The following TTN variants were observed in gnomAD, a reference collection of about 807,000 sequenced individuals.
TTN encodes the protein titin.
TTN carries 1,525 observed loss-of-function variants against 3,223.0 expected under a neutral mutation model. That is an observed-to-expected ratio of 0.47 (90% confidence interval 0.45 to 0.49). TTN has a LOEUF of 0.49. TTN is among the 20% of genes least tolerant of loss of function. The probability of loss-of-function intolerance (pLI) is 0.00; values close to 1 mark genes in which losing one functional copy is unlikely to be tolerated. For missense variants in TTN, 40,786 were observed against 43,424.0 expected, an observed-to-expected ratio of 0.94 and a Z score of 5.40; for synonymous variants, 14,094 against 15,161.0, an observed-to-expected ratio of 0.93 and a Z score of 5.17.
Position 178,667,372 on chromosome 2 carries a change from T to C in TTN, c.35714-53A>G, listed in dbSNP as rs908612199. 9.6e-6 allele frequency: 15 copies of C among 1,570,170 alleles called. No homozygotes were observed. In the African/African-American group the frequency reaches 1.6e-4, roughly 17 times the overall value. On this transcript the variant is annotated intron_variant, in intron 161 of 362. Transcript: ENST00000589042. ...TAAAAGTTGTAAAAACAGTAAATTA[T>C]AAAAAGCATGCAATGTTTGAGTCAT...
chr2:178,772,892 G>C, intron 33 of TTN: 2 of 597,382 alleles, frequency 3.3e-6, no homozygotes, highest in Non-Finnish European at 5.8e-6. Flanking sequence ...AGAGATTAAG[G>C]AAGGTTTAAT....
At chr2:178,649,467 GCAA>G in intron 212 of TTN, 84 bp downstream of exon 212, 1 of 1,412,558 alleles carries the variant, frequency 7.1e-7, no homozygotes, top group Non-Finnish European at 9.5e-7. Context: ...CCTTAGTTAT[GCAA>G]CAACAATGAG....
In TTN at chr2:178,689,653, A is replaced by T. The variant is rs556982485; in HGVS notation, c.31847-58T>A. 5.3e-6 allele frequency: 8 copies of T among 1,506,832 alleles called. No homozygotes were observed. The South Asian group carries it at 8.0e-5, about 15-fold the overall frequency. The allele number at this position is 1,506,832 out of a possible 1,614,324, so 93.3% of individuals were successfully genotyped here. ...TTTTCTAAAGTAGCTATGCACAGTT[A>T]TTTTTTTTAAGAAAGCAGACGGGTG... On this transcript the variant is annotated intron_variant, in intron 122 of 362. Transcript: ENST00000589042.
At chr2:178,604,572 C>T in intron 281 of TTN, 136 bp downstream of exon 281, 2 of 1,010,922 alleles carry the variant, frequency 2.0e-6, no homozygotes, top group South Asian at 3.7e-5. Flanking sequence ...TGGGGCTAAA[C>T]ACTACAATAA....
chr2:178,584,990 A>G, intron 309 of TTN, 22 bp from the exon 310 acceptor site: 8 of 1,609,010 alleles, frequency 5.0e-6, no homozygotes, highest in Non-Finnish European at 6.8e-6. Context: ...AAGAGGAAAG[A>G]AATGTAAGAA....
Position 178,748,530 on chromosome 2 carries a change from G to A in TTN, c.11311+4594C>T, listed in dbSNP as rs755860284. 3.0e-5 allele frequency: 48 copies of A among 1,612,976 alleles called. No individual in the cohort carries two copies. The highest frequency in any genetic ancestry group is 1.7e-4 in the Middle Eastern group (1 of 6,054). ...AACTCCAGAGCTGGATCTCCTATAT[G>A]AGAATACATTTGTTTTAGATCAAAT... On this transcript the variant is annotated intron_variant, in intron 47 of 362. Transcript: ENST00000589042.
At chr2:178,749,014 T>C (rs745968428) in intron 47 of TTN, 2 of 1,612,488 alleles carry the variant, frequency 1.2e-6, no homozygotes, top group African/African-American at 1.3e-5. Context: ...ATTTTTCAAA[T>C]TCGATAATTC....
Position 178,689,350 on chromosome 2 carries a change from C to G in TTN, c.31951G>C (p.Val10651Leu), listed in dbSNP as rs913899516. Reference protein sequence around the residue: ...PAVPEIPKKKVPEERKPVPRK... With the variant: ...PAVPEIPKKKLPEERKPVPRK... Reference sequence around the variant, plus strand: ...GGAACAGGTTTCCTTTCTTCAGGAACTTTCTTCTTTGGTATTTCTGGCACT... The same window carrying G: ...GGAACAGGTTTCCTTTCTTCAGGAAGTTTCTTCTTTGGTATTTCTGGCACT... The change falls in exon 124 of 363, where the codon GTT becomes CTT. Residue 10651 changes from valine (V) to leucine (L), a missense_variant. By Grantham distance (32) the Val-to-Leu change is conservative. Coordinates refer to ENST00000589042, the MANE Select transcript of TTN (RefSeq NM_001267550.2). The G allele has an allele frequency of 1.2e-6, 2 of 1,613,832 alleles. No individual in the cohort carries two copies. Among genetic ancestry groups the G allele is most frequent in the Non-Finnish European group, 1.7e-6 (2 of 1,179,846 alleles).
rs1691134581 is a variant in TTN at position 178,535,708 on chromosome 2, A to G, written c.100907T>C (p.Ile33636Thr). ...VITWQKGQDL[I>T]DNNGHYQVIV... is the part of the protein sequence containing the mutation. ...AACTTGGTAGTGGCCATTATTGTCA[A>G]TGAGATCTTGTCCTTTCTGCCAGGT... Residue 33636 changes from isoleucine (I) to threonine (T), a missense_variant, in exon 358 of 363, where the codon ATT becomes ACT. Transcript: ENST00000589042. 4 of 1,613,830 alleles carry G rather than the reference A, an allele frequency of 2.5e-6. No individual in the cohort carries two copies. Among genetic ancestry groups the G allele is most frequent in the African/African-American group, 2.7e-5 (2 of 75,020 alleles).
intron 315 of TTN, 43 bp downstream of exon 315, chr2:178,581,863 C>G (rs1171191167): frequency 1.2e-6 from 2 of 1,604,448 alleles, no homozygotes; most frequent in Admixed American, 3.5e-5. Context: ...GTGTTTAATG[C>G]TGCTTTTAAC....
At chr2:178,766,136 A>G (rs566150063) in intron 41 of TTN, among the ~76,000 whole-genome samples, 77 of 152,294 alleles carry the variant, frequency 5.1e-4, no homozygotes, top group African/African-American at 1.8e-3. Flanking sequence ...TGGGTGTTCA[A>G]TAGTTTTGAG....
At chr2:178,751,939 T>C in intron 47 of TTN, 2 of 1,588,800 alleles carry the variant, frequency 1.3e-6, no homozygotes, top group Non-Finnish European at 1.7e-6. Context: ...TACTTGCATA[T>C]CTTTTAGCAG....
In TTN at chr2:178,619,759, C is replaced by A. The variant is rs2057990397; in HGVS notation, c.46558G>T (p.Val15520Phe). The change falls in exon 250 of 363, where the codon GTC becomes TTC. Residue 15520 changes from valine (V) to phenylalanine (F), a missense_variant. Val to Phe is a conservative substitution (Grantham distance 50, BLOSUM62 -1). Coordinates refer to ENST00000589042, the MANE Select transcript of TTN (RefSeq NM_001267550.2). ...VQWLRNNMVVVQGDKHQMMSE... is the reference protein window; with the variant it reads ...VQWLRNNMVVFQGDKHQMMSE... ...ATCATCTGGTGTTTATCACCCTGGA[C>A]AACAACCATGTTATTTCTTAGCCAT... 6.2e-7 allele frequency: 1 copy of A among 1,612,416 alleles called. No individual in the cohort carries two copies. Among genetic ancestry groups the A allele is most frequent in the South Asian group, 1.1e-5 (1 of 91,020 alleles).
chr2:178,723,556 G>C lies in TTN; in HGVS notation c.21544C>G (p.Arg7182Gly). ...RGARELVKGD[R>G]CNIYFEDTVA... is the part of the protein sequence containing the mutation. ...GTGTCTTCAAAATAGATGTTGCACC[G>C]GTCTCCTTTCACTAGTTCTCTGGCA... Residue 7182 changes from arginine (R) to glycine (G), a missense_variant, in exon 74 of 363, where the codon CGG becomes GGG. Transcript: ENST00000589042. 1 of 1,613,304 alleles carries C rather than the reference G, an allele frequency of 6.2e-7. No individual in the cohort carries two copies. Among genetic ancestry groups the C allele is most frequent in the Non-Finnish European group, 8.5e-7 (1 of 1,179,556 alleles).
Position 178,724,553 on chromosome 2 carries a change from G to T in TTN, c.20837-15C>A. The T allele has an allele frequency of 1.3e-6, 2 of 1,561,826 alleles. No homozygotes were observed. The highest frequency in any genetic ancestry group is 1.2e-5 in the South Asian group (1 of 82,192). ...GACTGCGGGCTCTGAAATAAAACGT[G>T]ATATCCATCTGTCAAAGTCTGGGAT... On this transcript the variant is annotated splice_polypyrimidine_tract_variant and intron_variant, in intron 71 of 362. Transcript: ENST00000589042.
chr2:178,771,876 T>C (rs2154343609), intron 33 of TTN, among the ~76,000 whole-genome samples: 2 of 152,296 alleles, frequency 1.3e-5, no homozygotes, highest in African/African-American at 2.4e-5. Context: ...GAGTCATCAA[T>C]GTTTCTACTA....
chr2:178,579,524 A>G (rs781394036), intron 319 of TTN, 37 bp downstream of exon 319: 3 of 1,605,966 alleles, frequency 1.9e-6, no homozygotes, highest in Admixed American at 3.4e-5. Flanking sequence ...TTCGATGACA[A>G]TAAAGGAAAA....
Position 178,714,189 on chromosome 2 carries a change from T to C in TTN, c.26483-14A>G, listed in dbSNP as rs371307368. 2.1e-5 allele frequency: 33 copies of C among 1,599,926 alleles called. No individual in the cohort carries two copies. The highest frequency in any genetic ancestry group is 2.5e-5 in the Non-Finnish European group (29 of 1,174,298). ...TTGTTGCAGGCTCTGGAATGAAATG[T>C]AAAAGATATCCATATTTTAAACTCA... On this transcript the variant is annotated splice_polypyrimidine_tract_variant and intron_variant, in intron 91 of 362. Transcript: ENST00000589042.
At position 178,602,335 on chromosome 2, in the gene TTN, C is replaced by G; in HGVS notation, c.55067G>C (p.Gly18356Ala). The part of the protein sequence containing the change: ...RFRVKAVNEA[G>A]ESEPSDTTGE... The stretch of plus-strand genomic sequence containing the variant: ...AGTTGTATCACTTGGTTCAGATTCA[C>G]CAGCTTCATTGACAGCTTTCACTCT... The change falls in exon 283 of 363, where the codon GGT (glycine) becomes GCT (alanine). Residue 18356 changes from glycine (G) to alanine (A), a missense_variant. Transcript: ENST00000589042. The G allele has an allele frequency of 6.2e-7, 1 of 1,612,902 alleles. No individual in the cohort carries two copies. The highest frequency in any genetic ancestry group is 8.5e-7 in the Non-Finnish European group (1 of 1,179,322).
Sources: allele counts gnomAD v4.1 joint callset (sites outside exome capture counted in the v4.1 genomes callset), GRCh38; gene constraint gnomAD v4.1.1; transcripts MANE v1.5; gene names NCBI Gene and HGNC (gene_info 2026-07-23, HGNC 2026-07-21).